Variants in LRTM3 observed in about 807,000 individuals in gnomAD.
The protein encoded by LRTM3 is leucine-rich repeat transmembrane protein 3.
At chr13:102,733,554 T>A in the LRTM3 span, 3 of 1,551,250 alleles carry the variant, frequency 1.9e-6, no homozygotes, top group Non-Finnish European at 2.6e-6. Flanking sequence ...ATTATTTCAG[T>A]GTCTTCTTCC....
At chr13:102,734,945 GGCCTTATACATGT>G in the LRTM3 span, 1 of 1,551,078 alleles carries the variant, frequency 6.4e-7, no homozygotes, top group Non-Finnish European at 8.7e-7. Flanking sequence ...ACCAGCAATT[GGCCTTATACATGT>G]GCCTCCCTCA....
At chr13:102,741,579 T>C in the LRTM3 span, 112 of 1,550,280 alleles carry the variant, frequency 7.2e-5, no homozygotes, top group Non-Finnish European at 9.2e-5. Context: ...AGAGGTTCCA[T>C]AATGGGGCAG....
chr13:102,734,416 C>CCT, the LRTM3 span: 1 of 1,551,356 alleles, frequency 6.4e-7, no homozygotes, highest in Non-Finnish European at 8.7e-7. Flanking sequence ...AGAGTATGCA[C>CCT]ATTTTTCTTT....
At chr13:102,739,708 A>G in the LRTM3 span, 9 of 1,549,774 alleles carry the variant, frequency 5.8e-6, no homozygotes, top group Admixed American at 1.8e-4. Context: ...TTACTCTATC[A>G]TTCTTTCCCT....
the LRTM3 span, chr13:102,732,139 CTT>C: frequency 6.4e-7 from 1 of 1,551,320 alleles, no homozygotes; most frequent in African/African-American, 1.4e-5. Flanking sequence ...AAGTGTCTCT[CTT>C]AGACATTTCA....
the LRTM3 span, chr13:102,745,331 A>G: frequency 6.4e-7 from 1 of 1,550,604 alleles, no homozygotes. Flanking sequence ...ATCTTGCTTT[A>G]CTTGAGTAGA....
At chr13:102,749,308 G>A in the LRTM3 span, 3 of 1,551,188 alleles carry the variant, frequency 1.9e-6, no homozygotes, top group Admixed American at 5.9e-5. Flanking sequence ...GAGGCACTGA[G>A]CTATATACAG....
chr13:102,730,344 A>G, the LRTM3 span: 3 of 1,551,052 alleles, frequency 1.9e-6, no homozygotes, highest in East Asian at 4.9e-5. Flanking sequence ...TCAAGACATG[A>G]ACACTCGTCC....
chr13:102,747,751 A>G, the LRTM3 span: 1 of 1,551,006 alleles, frequency 6.4e-7, no homozygotes. Flanking sequence ...TCACCTTCTC[A>G]ACTTGAAATG....
At chr13:102,736,221 T>G in the LRTM3 span, 7 of 1,548,990 alleles carry the variant, frequency 4.5e-6, no homozygotes, top group South Asian at 7.2e-5. Flanking sequence ...GGATGAGTTT[T>G]TGTCAGAATC....
At chr13:102,734,352 C>A in the LRTM3 span, 1 of 1,551,360 alleles carries the variant, frequency 6.4e-7, no homozygotes, top group South Asian at 1.2e-5. Flanking sequence ...AGCCTTTCTT[C>A]ATCTGCATGC....
the LRTM3 span, chr13:102,734,186 A>G: frequency 6.4e-7 from 1 of 1,551,416 alleles, no homozygotes; most frequent in Non-Finnish European, 8.7e-7. Context: ...CCTGAACCTC[A>G]TATCTATCGT....
At chr13:102,731,544 G>C in the LRTM3 span, 1 of 1,551,370 alleles carries the variant, frequency 6.4e-7, no homozygotes, top group Non-Finnish European at 8.7e-7. Flanking sequence ...GGACCCTCTG[G>C]AAAAGGTGGT....
the LRTM3 span, chr13:102,731,186 C>G: frequency 1.3e-6 from 2 of 1,551,442 alleles, no homozygotes; most frequent in South Asian, 1.2e-5. Context: ...CTCACTGTCA[C>G]TTGAAACATC....
the LRTM3 span, chr13:102,729,369 G>T: frequency 3.9e-6 from 4 of 1,020,994 alleles, no homozygotes; most frequent in Non-Finnish European, 3.9e-6. Context: ...GGAAGCCATT[G>T]GATGTTATAT....
chr13:102,745,790 A>G, the LRTM3 span: 1 of 1,551,230 alleles, frequency 6.4e-7, no homozygotes, highest in Non-Finnish European at 8.7e-7. Flanking sequence ...CCCAGACTTT[A>G]GAGGTGAAAA....
At chr13:102,732,551 TG>T in the LRTM3 span, 3 of 1,551,092 alleles carry the variant, frequency 1.9e-6, no homozygotes, top group Non-Finnish European at 2.6e-6. Flanking sequence ...TTGAATGCTT[TG>T]TTTTGCATTA....
At chr13:102,748,485 T>C in the LRTM3 span, 45 of 1,551,252 alleles carry the variant, frequency 2.9e-5, 2 homozygotes, top group South Asian at 5.1e-4. Flanking sequence ...TTTGGTGTAC[T>C]GGTTGGTAAC....
At chr13:102,741,896 A>G in the LRTM3 span, 2 of 1,550,306 alleles carry the variant, frequency 1.3e-6, no homozygotes, top group East Asian at 2.4e-5. Flanking sequence ...TAACGGTCCA[A>G]TATAGTATTG....
Sources: allele counts gnomAD v4.1 joint callset, GRCh38; gene constraint gnomAD v4.1.1; transcripts MANE v1.5; gene names NCBI Gene and HGNC (gene_info 2026-07-23, HGNC 2026-07-21).